The following ABI2 variants were observed in gnomAD, a reference collection of about 807,000 sequenced individuals.
ABI2 encodes abelson interactor 2.
Under a neutral mutation model 59.2 loss-of-function variants are expected in ABI2, and 25 were observed. The observed-to-expected ratio is 0.42, with a 90% CI of 0.31 to 0.59. The LOEUF (loss-of-function observed/expected upper bound fraction) is 0.59, where lower values mean the gene tolerates loss of function less well. ABI2 is among the 20% of genes least tolerant of loss of function. The pLI, the probability that ABI2 is intolerant of heterozygous loss-of-function variation, is 0.14. For missense variants in ABI2, 545 were observed against 681.8 expected (o/e 0.80, Z 2.23); for synonymous variants, 213 against 235.5 (o/e 0.90, Z 0.87).
At chr2:203,343,023 C>G (rs2080962821) in intron 1 of ABI2, among the ~76,000 whole-genome samples, 2 of 152,086 alleles carry the variant, frequency 1.3e-5, no homozygotes, top group Admixed American at 6.6e-5. Context: ...ACCATGAGAT[C>G]TGTGGAAGAA....
chr2:203,381,064 TAAATA>T (rs2096086499), intron 3 of ABI2, among the ~76,000 whole-genome samples: 1 of 152,200 alleles, frequency 6.6e-6, no homozygotes, highest in African/African-American at 2.4e-5. Context: ...TGTGACTAAA[TAAATA>T]TACATGCTTA....
At chr2:203,332,375 C>G (rs2074200003) in intron 1 of ABI2, among the ~76,000 whole-genome samples, 1 of 151,904 alleles carries the variant, frequency 6.6e-6, no homozygotes, top group African/African-American at 2.4e-5. Context: ...GCCTGTAATC[C>G]CAGCACTTTG....
chr2:203,378,315 G>T (rs568223141), intron 2 of ABI2, among the ~76,000 whole-genome samples: 2 of 152,090 alleles, frequency 1.3e-5, no homozygotes, highest in Non-Finnish European at 2.9e-5. Context: ...GTTTCACCGT[G>T]TTAGCCAGGA....
intron 9 of ABI2, among the ~76,000 whole-genome samples, chr2:203,405,528 C>CT (rs890673619): frequency 1.3e-5 from 2 of 151,644 alleles, no homozygotes; most frequent in African/African-American, 4.8e-5. Flanking sequence ...CCAGCCTGGG[C>CT]AACAGAGTGA....
intron 1 of ABI2, among the ~76,000 whole-genome samples, chr2:203,346,696 C>T (rs2083827684): frequency 6.6e-6 from 1 of 152,102 alleles, no homozygotes; most frequent in Non-Finnish European, 1.5e-5. Flanking sequence ...AACATCTTGT[C>T]TTTGAGGGGA....
chr2:203,339,233 G>A lies in ABI2; in HGVS notation c.117+10602G>A, dbSNP rs190633512. 3.5e-3 allele frequency among the ~76,000 whole-genome samples: 530 copies of A among 151,368 alleles called. 4 individuals are homozygous for A. The highest frequency in any genetic ancestry group is 0.012 in the African/African-American group (514 of 41,184). ...AGATAAGTGTTGGCAAGCAGGTGGA[G>A]AAAAGAGAATCCTTGTGTGCAGTGA... On this transcript the variant is annotated intron_variant, in intron 1 of 11. Transcript: ENST00000261018.
chr2:203,410,970 A>T (rs940651158), intron 9 of ABI2, among the ~76,000 whole-genome samples: 4 of 150,618 alleles, frequency 2.7e-5, no homozygotes, highest in Middle Eastern at 3.5e-3. Flanking sequence ...TATATATATA[A>T]AACATGATTG....
At chr2:203,345,029 C>G (rs916951082) in intron 1 of ABI2, among the ~76,000 whole-genome samples, 4 of 152,180 alleles carry the variant, frequency 2.6e-5, no homozygotes, top group African/African-American at 9.7e-5. Context: ...TAAAAGCTGG[C>G]TGCCGGAGCC....
chr2:203,393,114 C>A (rs2096835761), intron 5 of ABI2, among the ~76,000 whole-genome samples: 1 of 152,218 alleles, frequency 6.6e-6, no homozygotes, highest in Non-Finnish European at 1.5e-5. Flanking sequence ...TGGCTCACTG[C>A]AACCTCTGCC....
chr2:203,337,542 T>C (rs1438407833), intron 1 of ABI2, among the ~76,000 whole-genome samples: 1 of 152,210 alleles, frequency 6.6e-6, no homozygotes, highest in Non-Finnish European at 1.5e-5. Context: ...GTAGATTTGA[T>C]ATTGTTAACA....
Position 203,427,470 on chromosome 2 carries a change from AC to A in ABI2, c.*119del. 9.9e-7 allele frequency: 1 copy of A among 1,005,868 alleles called. No homozygotes were observed. The highest frequency in any genetic ancestry group is 1.4e-6 in the Non-Finnish European group (1 of 719,494). The allele number at this position is 1,005,868 out of a possible 1,614,324, so 62.3% of individuals were successfully genotyped here. ...GAAGGATACAAATGATAAAAATTACACTTTTTTTTTTGGTTTATTCCCCAGT... is the reference window on the plus strand; with the variant it reads ...GAAGGATACAAATGATAAAAATTACATTTTTTTTTTGGTTTATTCCCCAGT... On this transcript the variant is annotated 3_prime_UTR_variant, in exon 12 of 12. Coordinates refer to ENST00000261018, the MANE Select transcript of ABI2 (RefSeq NM_001375670.1).
intron 4 of ABI2, among the ~76,000 whole-genome samples, chr2:203,390,461 G>C (rs1380011013): frequency 2.6e-5 from 4 of 152,032 alleles, no homozygotes; most frequent in African/African-American, 9.7e-5. Flanking sequence ...GTGAAACCCT[G>C]TCTCTACTAA....
At chr2:203,396,116 A>T (rs2096970876) in intron 7 of ABI2, among the ~76,000 whole-genome samples, 1 of 152,164 alleles carries the variant, frequency 6.6e-6, no homozygotes, top group African/African-American at 2.4e-5. Context: ...ATTAGTAACA[A>T]AGGATTGGGC....
intron 1 of ABI2, among the ~76,000 whole-genome samples, chr2:203,339,580 CAA>C (rs943110280): frequency 1.2e-4 from 7 of 59,110 alleles, no homozygotes; most frequent in Non-Finnish European, 7.1e-5. Flanking sequence ...GACTCCGTCT[CAA>C]AAAAAAAAAA....
chr2:203,385,650 G>A (rs2096473528), intron 4 of ABI2, among the ~76,000 whole-genome samples: 2 of 152,200 alleles, frequency 1.3e-5, no homozygotes, highest in South Asian at 2.1e-4. Flanking sequence ...TTCAGGTACA[G>A]TTGAAGGTAC....
intron 1 of ABI2, among the ~76,000 whole-genome samples, chr2:203,342,552 T>TTTTATTTATTTATTTA (rs10623488): frequency 4.5e-3 from 629 of 140,464 alleles, no homozygotes; most frequent in South Asian, 8.7e-3. Context: ...CCTCAAAACC[T>TTTTATTTATTTATTTA]TTTATTTATT....
In ABI2 at chr2:203,431,353, A is replaced by AAGTT. The variant is rs2098482012; in HGVS notation, c.*4003_*4006dup. 1 of 152,636 alleles carries AAGTT rather than the reference A, an allele frequency of 6.6e-6. No individual in the cohort carries two copies. Among genetic ancestry groups the AAGTT allele is most frequent in the South Asian group, 2.1e-4 (1 of 4,832 alleles). 9.5% of individuals were successfully genotyped at this position (152,636 alleles called of 1,614,324 possible). On this transcript the variant is annotated 3_prime_UTR_variant, in exon 12 of 12. Transcript: ENST00000261018. Reference sequence around the variant, plus strand: ...CTAAATGTGCTGTATTTTTCTTTAAAAGTTAAGAGTTCTATTTGGTGTTTT... The same window carrying AAGTT: ...CTAAATGTGCTGTATTTTTCTTTAAAAGTTAGTTAAGAGTTCTATTTGGTGTTTT...
intron 1 of ABI2, among the ~76,000 whole-genome samples, chr2:203,343,132 G>A (rs1426136833): frequency 1.3e-5 from 2 of 152,198 alleles, no homozygotes; most frequent in South Asian, 2.1e-4. Flanking sequence ...GGGAGGCTGA[G>A]GCAGGTGGAT....
intron 9 of ABI2, among the ~76,000 whole-genome samples, chr2:203,409,287 C>T (rs923637651): frequency 2.0e-5 from 3 of 152,084 alleles, no homozygotes; most frequent in African/African-American, 7.2e-5. Flanking sequence ...AAAACCTAAC[C>T]AAAGGTGTCT....
Sources: allele counts gnomAD v4.1 joint callset (sites outside exome capture counted in the v4.1 genomes callset), GRCh38; gene constraint gnomAD v4.1.1; transcripts MANE v1.5; gene names NCBI Gene and HGNC (gene_info 2026-07-23, HGNC 2026-07-21).